ZSCAN22: variants seen among roughly 807,000 people sequenced by gnomAD.
The protein encoded by ZSCAN22 is zinc finger and SCAN domain containing 22, also known as zinc finger and SCAN domain-containing protein 22.
In ZSCAN22, 7 loss-of-function variants were observed where a neutral mutation model predicts 12.4. That is an observed-to-expected ratio of 0.57 (90% CI 0.32 to 1.06). ZSCAN22 has a LOEUF of 1.06. Among genes scored for constraint, ZSCAN22 ranks in the 50% least tolerant of loss-of-function variants. The pLI, the probability that ZSCAN22 is intolerant of heterozygous loss-of-function variation, is 0.04. For synonymous variants in ZSCAN22, 243 were observed against 255.9 expected (o/e 0.95, Z 0.48); for missense variants, 576 against 631.7 (o/e 0.91, Z 0.94).
At position 58,341,298 on chromosome 19, in the gene ZSCAN22, C is replaced by T. The variant is rs1322236991; in HGVS notation, c.*1972C>T. On this transcript the variant is annotated 3_prime_UTR_variant, in exon 3 of 3. Coordinates refer to ENST00000329665, the MANE Select transcript of ZSCAN22 (RefSeq NM_181846.3). ...GACTTAGTCTTTGCCAGCATTCTGT[C>T]CATGTGTTCTCTGGTCTTCTCTCAC... The T allele has an allele frequency of 6.6e-6, 1 of 152,178 alleles. No homozygotes were observed. The highest frequency in any genetic ancestry group is 2.4e-5 in the African/African-American group (1 of 41,436). The allele number at this position is 152,178 out of a possible 1,614,324, so 9.4% of individuals were successfully genotyped here. A position where few individuals can be genotyped will look rare whatever the true frequency, so the allele number is the denominator to read the frequency against.
In ZSCAN22 at chr19:58,335,332, T is replaced by C. The variant is rs1281184367; in HGVS notation, c.403+127T>C. 1.6e-6 allele frequency: 2 copies of C among 1,247,320 alleles called. No homozygotes were observed. Among genetic ancestry groups the C allele is most frequent in the Non-Finnish European group, 2.2e-6 (2 of 925,922 alleles). The allele number at this position is 1,247,320 out of a possible 1,614,324, so 77.3% of individuals were successfully genotyped here. On this transcript the variant is annotated intron_variant, in intron 2 of 2. Coordinates refer to ENST00000329665, the MANE Select transcript of ZSCAN22 (RefSeq NM_181846.3). The surrounding 1 kb of genome is among the most constrained non-coding windows in gnomAD (Gnocchi z 4.1). ...TCTCACATTTGTACTTTACCGTAAC[T>C]CTCACACACTGTTGTAGACAGGTGT...
intron 2 of ZSCAN22, among the ~76,000 whole-genome samples, chr19:58,336,356 CAG>C (rs2051797525): frequency 6.6e-6 from 1 of 152,078 alleles, no homozygotes; most frequent in Non-Finnish European, 1.5e-5. Flanking sequence ...GCAGATGTCA[CAG>C]AGACAGGGAG....
At chr19:58,331,216 T>C (rs1026986677) in intron 1 of ZSCAN22, among the ~76,000 whole-genome samples, 13 of 104,126 alleles carry the variant, frequency 1.2e-4, no homozygotes, top group Non-Finnish European at 2.3e-4. Flanking sequence ...TCAAATGCAC[T>C]TTTTTTTTTT....
intron 1 of ZSCAN22, among the ~76,000 whole-genome samples, chr19:58,328,797 C>T (rs941779167): frequency 6.6e-6 from 1 of 152,166 alleles, no homozygotes; most frequent in Non-Finnish European, 1.5e-5. Flanking sequence ...CACCCTTGCT[C>T]CTCCTTCCCC....
intron 1 of ZSCAN22, 102 bp from the exon 2 acceptor site, chr19:58,334,650 T>G: frequency 1.2e-6 from 1 of 825,786 alleles, no homozygotes; most frequent in Non-Finnish European, 1.8e-6. Context: ...TTTGTGAGAG[T>G]CTTTCACATC....
At chr19:58,327,572 T>C (rs1444251623) in intron 1 of ZSCAN22, among the ~76,000 whole-genome samples, 1 of 152,184 alleles carries the variant, frequency 6.6e-6, no homozygotes, top group Non-Finnish European at 1.5e-5. Flanking sequence ...ATGTGTCTGA[T>C]AGGCGGTTCT....
rs1185774603 is a variant in ZSCAN22, at chr19:58,340,272, C to A, written c.*946C>A. On this transcript the variant is annotated 3_prime_UTR_variant, in exon 3 of 3. Coordinates refer to ENST00000329665, the MANE Select transcript of ZSCAN22 (RefSeq NM_181846.3). ...GGCTGCTCTGGGCCCCGAGCAACCTCTCCAGTTATCCTCATATGCATGTAT... is the reference window on the plus strand; with the variant it reads ...GGCTGCTCTGGGCCCCGAGCAACCTATCCAGTTATCCTCATATGCATGTAT... 2 of 152,172 alleles carry A rather than the reference C, an allele frequency of 1.3e-5. No homozygotes were observed. The highest frequency in any genetic ancestry group is 4.8e-5 in the African/African-American group (2 of 41,424). 9.4% of individuals were successfully genotyped at this position (152,172 alleles called of 1,614,324 possible). A position where few individuals can be genotyped will look rare whatever the true frequency, so the allele number is the denominator to read the frequency against.
At position 58,338,255 on chromosome 19, in the gene ZSCAN22, A is replaced by G; in HGVS notation, c.405A>G (p.Gly135=). 1 of 1,596,668 alleles carries G rather than the reference A, an allele frequency of 6.3e-7. No individual in the cohort carries two copies. The highest frequency in any genetic ancestry group is 1.1e-5 in the South Asian group (1 of 90,272). The part of the protein sequence containing the change: ...EDLTQVLDKR[G]WDPGAEPTEA... ...ACAGTGTGGTTCGGACTGTTTCAGG[A>G]TGGGATCCAGGAGCCGAGCCCACAG... The change falls in exon 3 of 3, where the codon GGA becomes GGG. Residue 135 remains glycine, a splice_region_variant and synonymous_variant. Coordinates refer to ENST00000329665, the MANE Select transcript of ZSCAN22 (RefSeq NM_181846.3). This position sits in a 1 kb window ranked among gnomAD's most constrained non-coding sequence, Gnocchi z 5.4.
intron 1 of ZSCAN22, among the ~76,000 whole-genome samples, chr19:58,334,351 C>T (rs1232367176): frequency 6.6e-6 from 1 of 152,118 alleles, no homozygotes; most frequent in Non-Finnish European, 1.5e-5. Flanking sequence ...GAGTCTTGTT[C>T]TGTTGCGCAG....
rs2051873236 is a variant in ZSCAN22 at position 58,341,368 on chromosome 19, G to C, written c.*2042G>C. The C allele has an allele frequency of 6.6e-6, 1 of 152,134 alleles. No homozygotes were observed. The highest frequency in any genetic ancestry group is 2.4e-5 in the African/African-American group (1 of 41,424). 9.4% of individuals were successfully genotyped at this position (152,134 alleles called of 1,614,324 possible). A position where few individuals can be genotyped will look rare whatever the true frequency, so the allele number is the denominator to read the frequency against. ...ATTTTTAGGGTCCCTGTCTATCACT[G>C]GATGCTGCAGCTTCTGTTCATTACT... On this transcript the variant is annotated 3_prime_UTR_variant, in exon 3 of 3. Coordinates refer to ENST00000329665, the MANE Select transcript of ZSCAN22 (RefSeq NM_181846.3).
At chr19:58,334,084 G>A (rs1212605598) in intron 1 of ZSCAN22, among the ~76,000 whole-genome samples, 1 of 152,202 alleles carries the variant, frequency 6.6e-6, no homozygotes, top group Admixed American at 6.5e-5. Context: ...AGTAAAGTGA[G>A]AGAATGACCA....
chr19:58,339,161 G>T lies in ZSCAN22; in HGVS notation c.1311G>T (p.Gln437His). 1 of 1,614,226 alleles carries T rather than the reference G, an allele frequency of 6.2e-7. No homozygotes were observed. The highest frequency in any genetic ancestry group is 1.1e-5 in the South Asian group (1 of 91,088). Residue 437 changes from glutamine to histidine, a missense_variant, in exon 3 of 3, where the codon CAG (glutamine) becomes CAT (histidine). Physicochemically the swap from Gln to His is conservative, Grantham distance 24. Coordinates refer to ENST00000329665, the MANE Select transcript of ZSCAN22 (RefSeq NM_181846.3). The surrounding 1 kb of genome is among the most constrained non-coding windows in gnomAD (Gnocchi z 5.6). ...LRIHSGEKPY[Q>H]CKVCPKAFAQ... is the part of the protein sequence containing the mutation. ...TCCACTCTGGAGAGAAGCCATATCA[G>T]TGTAAGGTTTGTCCGAAGGCCTTTG...
chr19:58,338,557 T>G lies in ZSCAN22; in HGVS notation c.707T>G (p.Leu236Arg). Reference sequence around the variant, plus strand: ...AACAGTTCTAGTGCGTGGCCAAACCTCACCTCCCAAGAGAAGCCTCCTTCA... The same window carrying G: ...AACAGTTCTAGTGCGTGGCCAAACCGCACCTCCCAAGAGAAGCCTCCTTCA... ...SRNSSSAWPN[L>R]TSQEKPPSED... The change falls in exon 3 of 3, where the codon CTC (leucine) becomes CGC (arginine). Residue 236 changes from leucine (L) to arginine (R), a missense_variant. Transcript: ENST00000329665. The surrounding 1 kb of genome is among the most constrained non-coding windows in gnomAD (Gnocchi z 5.4). 6.2e-7 allele frequency: 1 copy of G among 1,614,172 alleles called. No individual in the cohort carries two copies. Among genetic ancestry groups the G allele is most frequent in the Non-Finnish European group, 8.5e-7 (1 of 1,180,032 alleles).
chr19:58,338,943 ACTCAC>A lies in ZSCAN22; in HGVS notation c.1100_1104del (p.Leu367ProfsTer15). 1 of 1,613,602 alleles carries A rather than the reference ACTCAC, an allele frequency of 6.2e-7. No homozygotes were observed. Among genetic ancestry groups the A allele is most frequent in the Non-Finnish European group, 8.5e-7 (1 of 1,179,892 alleles). ...ATGTGGTAAAACCTTCAGCCGCAGC[ACTCAC>A]CTCACCCAGCACCAGCGGGTGCACA... On this transcript the variant is annotated frameshift_variant, in exon 3 of 3. Coordinates refer to ENST00000329665, the MANE Select transcript of ZSCAN22 (RefSeq NM_181846.3). LOFTEE classifies it low-confidence loss of function (END_TRUNC). This position sits in a 1 kb window ranked among gnomAD's most constrained non-coding sequence, Gnocchi z 5.4.
rs776412523 is a variant in ZSCAN22, at chr19:58,339,163, G to A, written c.1313G>A (p.Cys438Tyr). ...CACTCTGGAGAGAAGCCATATCAGT[G>A]TAAGGTTTGTCCGAAGGCCTTTGCA... ...RIHSGEKPYQ[C>Y]KVCPKAFAQS... The change falls in exon 3 of 3, where the codon TGT becomes TAT. Residue 438 changes from cysteine (C) to tyrosine (Y), a missense_variant. Cys to Tyr is a radical substitution (Grantham distance 194). Coordinates refer to ENST00000329665, the MANE Select transcript of ZSCAN22 (RefSeq NM_181846.3). The surrounding 1 kb of genome is among the most constrained non-coding windows in gnomAD (Gnocchi z 5.6). The A allele has an allele frequency of 6.2e-7, 1 of 1,614,218 alleles. No individual in the cohort carries two copies. Among genetic ancestry groups the A allele is most frequent in the Non-Finnish European group, 8.5e-7 (1 of 1,180,036 alleles).
chr19:58,339,357 C>G lies in ZSCAN22; in HGVS notation c.*31C>G. 6.5e-7 allele frequency: 1 copy of G among 1,545,272 alleles called. No homozygotes were observed. Among genetic ancestry groups the G allele is most frequent in the Non-Finnish European group, 8.7e-7 (1 of 1,143,636 alleles). ...AGTCGCCCCTGGGGGCGTAGCACAG[C>G]GTCTTCTCGGAGGCTCGAGGTCTAA... On this transcript the variant is annotated 3_prime_UTR_variant, in exon 3 of 3. Coordinates refer to ENST00000329665, the MANE Select transcript of ZSCAN22 (RefSeq NM_181846.3). The surrounding 1 kb of genome is among the most constrained non-coding windows in gnomAD (Gnocchi z 5.6).
chr19:58,336,830 C>T (rs1192830625), intron 2 of ZSCAN22, among the ~76,000 whole-genome samples: 5 of 152,200 alleles, frequency 3.3e-5, no homozygotes, highest in African/African-American at 1.2e-4. Flanking sequence ...GCCAGCGGCA[C>T]AGCATCCATG....
chr19:58,327,409 G>A (rs945167867), intron 1 of ZSCAN22, among the ~76,000 whole-genome samples: 1 of 152,206 alleles, frequency 6.6e-6, no homozygotes, highest in African/African-American at 2.4e-5. Context: ...ACTGAGTGCC[G>A]GACGGACCGA....
In ZSCAN22 at chr19:58,342,128, C is replaced by T. The variant is rs2051883351; in HGVS notation, c.*2802C>T. The T allele has an allele frequency of 6.6e-6, 1 of 152,246 alleles. No homozygotes were observed. The highest frequency in any genetic ancestry group is 2.4e-5 in the African/African-American group (1 of 41,452). 9.4% of individuals were successfully genotyped at this position (152,246 alleles called of 1,614,324 possible). ...GATGAGGGAGAAAAAAGGGAATCTACTCAGAGCCTGTGTGTGCTGCCCAGT... is the reference window on the plus strand; with the variant it reads ...GATGAGGGAGAAAAAAGGGAATCTATTCAGAGCCTGTGTGTGCTGCCCAGT... On this transcript the variant is annotated 3_prime_UTR_variant, in exon 3 of 3. Transcript: ENST00000329665.
Sources: allele counts gnomAD v4.1 joint callset (sites outside exome capture counted in the v4.1 genomes callset), GRCh38; gene constraint gnomAD v4.1.1; non-coding constraint Gnocchi (gnomAD v3.1); transcripts MANE v1.5; gene names NCBI Gene and HGNC (gene_info 2026-07-23, HGNC 2026-07-21).